The following RICTOR variants were observed in gnomAD, a reference collection of about 807,000 sequenced individuals.
RICTOR encodes RPTOR independent companion of MTOR complex 2, also known as rapamycin-insensitive companion of mTOR.
A neutral mutation model predicts 214.9 loss-of-function variants in RICTOR; 49 were observed. The ratio of observed to expected loss-of-function variants is 0.23; its 90% CI spans 0.18 to 0.29. RICTOR has a LOEUF of 0.29. Among genes scored for constraint, RICTOR ranks in the 10% least tolerant of loss-of-function variants. RICTOR has a pLI of 1.00. For missense variants in RICTOR, 1,625 were observed against 2,047.0 expected (o/e 0.79, Z 3.98); for synonymous variants, 717 against 711.3 (o/e 1.01, Z -0.13).
At chr5:38,991,954 T>C (rs990008831) in intron 6 of RICTOR, among the ~76,000 whole-genome samples, 2 of 152,142 alleles carry the variant, frequency 1.3e-5, no homozygotes, top group East Asian at 1.9e-4. Flanking sequence ...CAGATATTAC[T>C]AGATTTATTG....
intron 2 of RICTOR, among the ~76,000 whole-genome samples, chr5:39,060,924 C>G (rs1313848397): frequency 6.6e-6 from 1 of 151,916 alleles, no homozygotes; most frequent in African/African-American, 2.4e-5. Context: ...TGATCTTGGG[C>G]TAGTTAGGCA....
intron 3 of RICTOR, among the ~76,000 whole-genome samples, chr5:39,019,975 T>C (rs1450636796): frequency 6.6e-6 from 1 of 152,160 alleles, no homozygotes; most frequent in Non-Finnish European, 1.5e-5. Flanking sequence ...CCAATACTCA[T>C]GGATGACTTT....
rs1248492221 is a variant in RICTOR at position 38,938,076 on chromosome 5, A to G, written c.*4228T>C. ...AAGGTGAGCAAAACCATTTGGGGAC[A>G]AATCTTATTTAAATTATACACAACT... On this transcript the variant is annotated 3_prime_UTR_variant, in exon 38 of 38. Transcript: ENST00000357387. 4.9e-6 allele frequency: 1 copy of G among 205,970 alleles called. No individual in the cohort carries two copies. Among genetic ancestry groups the G allele is most frequent in the East Asian group, 7.4e-5 (1 of 13,454 alleles). 12.8% of individuals were successfully genotyped at this position (205,970 alleles called of 1,614,324 possible). A position where few individuals can be genotyped will look rare whatever the true frequency, so the allele number is the denominator to read the frequency against.
rs1751747375 is a variant in RICTOR at position 38,981,955 on chromosome 5, C to T, written c.665G>A (p.Arg222Gln). 1.9e-6 allele frequency: 3 copies of T among 1,612,638 alleles called. No individual in the cohort carries two copies. Among genetic ancestry groups the T allele is most frequent in the East Asian group, 2.2e-5 (1 of 44,820 alleles). The change falls in exon 8 of 38, where the codon CGA becomes CAA. Residue 222 changes from arginine (R) to glutamine (Q), a missense_variant. Arg to Gln is a conservative substitution (Grantham distance 43). Coordinates refer to ENST00000357387, the MANE Select transcript of RICTOR (RefSeq NM_152756.5). The part of the protein sequence containing the change: ...LKNVIDCQLS[R>Q]INEALITTIL... ...TGTAGTAATTAGGGCCTCATTTATT[C>T]GACTTAATTGGCAATCGATCACATT... is the stretch of plus-strand genomic sequence containing the variant.
At position 38,940,887 on chromosome 5, in the gene RICTOR, C is replaced by T. The variant is rs1206001109; in HGVS notation, c.*1417G>A. 2 of 232,172 alleles carry T rather than the reference C, an allele frequency of 8.6e-6. No homozygotes were observed. Among genetic ancestry groups the T allele is most frequent in the African/African-American group, 2.2e-5 (1 of 45,284 alleles). The allele number at this position is 232,172 out of a possible 1,614,324, so 14.4% of individuals were successfully genotyped here. A position where few individuals can be genotyped will look rare whatever the true frequency, so the allele number is the denominator to read the frequency against. ...GCATCATGGGAAAATATTAATGTTG[C>T]TATGACTGTGTCAAAACTGATGTGT... On this transcript the variant is annotated 3_prime_UTR_variant, in exon 38 of 38. Coordinates refer to ENST00000357387, the MANE Select transcript of RICTOR (RefSeq NM_152756.5).
In RICTOR at chr5:38,981,932, T is replaced by C; in HGVS notation, c.688A>G (p.Thr230Ala). 6.2e-7 allele frequency: 1 copy of C among 1,613,194 alleles called. No homozygotes were observed. Among genetic ancestry groups the C allele is most frequent in the Non-Finnish European group, 8.5e-7 (1 of 1,179,230 alleles). ...LSRINEALIT[T>A]ILHLLNHPKT... is the part of the protein sequence containing the mutation. ...GGATGATTAAGAAGGTGCAAAATTG[T>C]AGTAATTAGGGCCTCATTTATTCGA... The change falls in exon 8 of 38, where the codon ACA (threonine) becomes GCA (alanine). Residue 230 changes from threonine to alanine, a missense_variant. By Grantham distance (58) the Thr-to-Ala change is moderately conservative. Around this residue, in one of 5 missense-constraint regions of RICTOR, gnomAD observed 258 missense variants for 393.7 expected, o/e 0.66. Transcript: ENST00000357387.
chr5:38,940,064 T>G lies in RICTOR; in HGVS notation c.*2240A>C, dbSNP rs1388097415. ...ACTGATAACCACAAAGCTCTGAGTA[T>G]CTCCCCAAAGTAAGTGATATAGGCA... On this transcript the variant is annotated 3_prime_UTR_variant, in exon 38 of 38. Coordinates refer to ENST00000357387, the MANE Select transcript of RICTOR (RefSeq NM_152756.5). 3 of 213,694 alleles carry G rather than the reference T, an allele frequency of 1.4e-5. No individual in the cohort carries two copies. The highest frequency in any genetic ancestry group is 2.7e-5 in the Non-Finnish European group (3 of 109,998). 13.2% of individuals were successfully genotyped at this position (213,694 alleles called of 1,614,324 possible).
chr5:39,009,433 T>C (rs934102105), intron 3 of RICTOR, among the ~76,000 whole-genome samples: 1 of 152,150 alleles, frequency 6.6e-6, no homozygotes, highest in East Asian at 1.9e-4. Context: ...TGATTATTAA[T>C]GTCAATGCAT....
Position 39,002,390 on chromosome 5 carries a change from G to C in RICTOR, c.392+145C>G, listed in dbSNP as rs940303425. ...TAAATCTTGTTACTTGGTTGTGTGTGTGTGTGTGTGTATATATATATATAT... is the reference window on the plus strand; with the variant it reads ...TAAATCTTGTTACTTGGTTGTGTGTCTGTGTGTGTGTATATATATATATAT... On this transcript the variant is annotated intron_variant, in intron 5 of 37. Transcript: ENST00000357387. 8.3e-4 allele frequency: 411 copies of C among 494,120 alleles called. 6 individuals carry two copies. The Admixed American group carries it at 0.012, about 15-fold the overall frequency. The allele number at this position is 494,120 out of a possible 1,614,324, so 30.6% of individuals were successfully genotyped here.
At chr5:38,959,755 G>GC (rs1233226995) in intron 21 of RICTOR, 24 bp downstream of exon 21, 2 of 1,513,958 alleles carry the variant, frequency 1.3e-6, no homozygotes, top group African/African-American at 1.4e-5. Context: ...TGTATATATT[G>GC]CAACAAAATC....
intron 3 of RICTOR, among the ~76,000 whole-genome samples, chr5:39,018,122 T>C (rs755442943): frequency 3.2e-4 from 49 of 152,164 alleles, no homozygotes; most frequent in Non-Finnish European, 6.8e-4. Flanking sequence ...GCAGGCATTT[T>C]AGTGTTTGCA....
Position 39,051,140 on chromosome 5 carries a change from A to G in RICTOR, c.97+22971T>C, listed in dbSNP as rs1271793381. ...TTATATAATGCAGAGAAACTTACAT[A>G]TAAGCAGCAGGATTCATATACAAGA... is the stretch of plus-strand genomic sequence containing the variant. On this transcript the variant is annotated intron_variant, in intron 2 of 37. Coordinates refer to ENST00000357387, the MANE Select transcript of RICTOR (RefSeq NM_152756.5). Among the ~76,000 whole-genome samples the G allele has an allele frequency of 3.9e-5, 6 of 152,166 alleles. No individual in the cohort carries two copies. In the South Asian group the frequency reaches 8.3e-4, roughly 21 times the overall value.
At chr5:39,045,304 G>C (rs1342424053) in intron 2 of RICTOR, among the ~76,000 whole-genome samples, 1 of 151,906 alleles carries the variant, frequency 6.6e-6, no homozygotes, top group Admixed American at 6.6e-5. Flanking sequence ...TTTTCCTGCA[G>C]AAAAGCAGGA....
rs1399144328 is a variant in RICTOR at position 39,003,538 on chromosome 5, G to A, written c.260+20C>T. ...ACTAAAATCTGAAAGGGATGGGAGG[G>A]GGGAATGAACCACACTTACCAAATT... is the stretch of plus-strand genomic sequence containing the variant. On this transcript the variant is annotated intron_variant, in intron 4 of 37. Coordinates refer to ENST00000357387, the MANE Select transcript of RICTOR (RefSeq NM_152756.5). 1.3e-6 allele frequency: 2 copies of A among 1,521,552 alleles called. No individual in the cohort carries two copies. Among genetic ancestry groups the A allele is most frequent in the Admixed American group, 3.4e-5 (2 of 58,644 alleles). The allele number at this position is 1,521,552 out of a possible 1,614,324, so 94.3% of individuals were successfully genotyped here.
intron 6 of RICTOR, among the ~76,000 whole-genome samples, chr5:38,992,247 A>C (rs1273696618): frequency 6.6e-6 from 1 of 152,170 alleles, no homozygotes; most frequent in African/African-American, 2.4e-5. Context: ...CAATTAACTG[A>C]AAAAGGAGAG....
intron 10 of RICTOR, 58 bp from the exon 11 acceptor site, chr5:38,972,017 G>A (rs2150042572): frequency 1.4e-6 from 1 of 734,244 alleles, no homozygotes; most frequent in South Asian, 1.6e-5. Context: ...AAATTTCTAT[G>A]GCAATGTATA....
rs2150023764 is a variant in RICTOR at position 38,962,884 on chromosome 5, T to C, written c.1558A>G (p.Ile520Val). 1.2e-6 allele frequency: 2 copies of C among 1,611,828 alleles called. No individual in the cohort carries two copies. ...TGATTTCATGTCAGCACCTTAAGGA[T>C]AAATATATCTTTCTGAACTCGGAGA... Reference protein sequence around the residue: ...QYLRVQKDIFILKDTEEALLI... With the variant: ...QYLRVQKDIFVLKDTEEALLI... Residue 520 changes from isoleucine (I) to valine (V), a missense_variant, in exon 17 of 38, where the codon ATC becomes GTC. Coordinates refer to ENST00000357387, the MANE Select transcript of RICTOR (RefSeq NM_152756.5).
At position 38,938,155 on chromosome 5, in the gene RICTOR, G is replaced by A; in HGVS notation, c.*4149C>T. On this transcript the variant is annotated 3_prime_UTR_variant, in exon 38 of 38. Transcript: ENST00000357387. ...AAATACTTTTTCTTTCTATGTTACA[G>A]TTATACAATATAAATCAGATTTCAA... 1 of 216,848 alleles carries A rather than the reference G, an allele frequency of 4.6e-6. No individual in the cohort carries two copies. The highest frequency in any genetic ancestry group is 1.9e-4 in the South Asian group (1 of 5,382). The allele number at this position is 216,848 out of a possible 1,614,324, so 13.4% of individuals were successfully genotyped here.
chr5:38,954,618 C>T, intron 27 of RICTOR, 156 bp downstream of exon 27: 1 of 564,924 alleles, frequency 1.8e-6, no homozygotes, highest in Non-Finnish European at 3.2e-6. Flanking sequence ...TATAGAATGC[C>T]TAAGTCAATT....
Sources: gnomAD v4.1 joint callset for allele counts (sites outside exome capture counted in the v4.1 genomes callset) on GRCh38, gnomAD v4.1.1 for gene constraint, gnomAD v4.1.1 regional missense constraint, MANE v1.5 for transcripts, NCBI Gene and HGNC (gene_info 2026-07-23, HGNC 2026-07-21) for gene names.